ANKDD1B: variants seen among roughly 807,000 people sequenced by gnomAD.
The protein encoded by ANKDD1B is ankyrin repeat and death domain-containing protein 1B.
Under a neutral mutation model 59.7 loss-of-function variants are expected in ANKDD1B, and 57 were observed. The observed-to-expected ratio is 0.95, with a 90% CI of 0.77 to 1.19. The LOEUF (loss-of-function observed/expected upper bound fraction) is 1.19. ANKDD1B is among the 50% of genes most tolerant of loss of function. The probability of loss-of-function intolerance (pLI) is 0.00; values close to 1 mark genes in which losing one functional copy is unlikely to be tolerated. For missense variants in ANKDD1B, 602 were observed against 641.9 expected (o/e 0.94, Z 0.67); for synonymous variants, 216 against 239.5 (o/e 0.90, Z 0.91).
intron 5 of ANKDD1B, among the ~76,000 whole-genome samples, chr5:75,631,809 A>G (rs1774168699): frequency 2.0e-5 from 3 of 152,124 alleles, no homozygotes; most frequent in Non-Finnish European, 4.4e-5. Context: ...TTGAACCTTA[A>G]AAGACTCACT....
rs985366485 is a variant in ANKDD1B at position 75,642,083 on chromosome 5, T to C, written c.798+6201T>C. On this transcript the variant is annotated intron_variant, in intron 7 of 13. Transcript: ENST00000601380. ...TCATAGAACACTAATTGAAAAAATA[T>C]AGTATAGTAAATATTAATATAATAT... is the stretch of plus-strand genomic sequence containing the variant. Among the ~76,000 whole-genome samples the C allele has an allele frequency of 2.6e-5, 4 of 151,752 alleles. No homozygotes were observed. The East Asian group carries it at 7.7e-4, about 29-fold the overall frequency.
In ANKDD1B at chr5:75,634,883, G is replaced by C. The variant is rs1774257123; in HGVS notation, c.601-15G>C. ...AGACTGTAATAAATGCTTGAGGTTTGTGATTGATTTTTAGAAAGGAAGAAA... is the reference window on the plus strand; with the variant it reads ...AGACTGTAATAAATGCTTGAGGTTTCTGATTGATTTTTAGAAAGGAAGAAA... On this transcript the variant is annotated splice_polypyrimidine_tract_variant and intron_variant, in intron 5 of 13. Transcript: ENST00000601380. 1 of 1,471,974 alleles carries C rather than the reference G, an allele frequency of 6.8e-7. No individual in the cohort carries two copies. The highest frequency in any genetic ancestry group is 1.2e-5 in the South Asian group (1 of 82,756). The allele number at this position is 1,471,974 out of a possible 1,614,324, so 91.2% of individuals were successfully genotyped here.
intron 7 of ANKDD1B, among the ~76,000 whole-genome samples, chr5:75,645,095 A>T (rs1336148875): frequency 8.8e-5 from 11 of 124,934 alleles, no homozygotes; most frequent in Non-Finnish European, 1.5e-4. Context: ...ACGCATTCAA[A>T]GCAGTGTGTA....
At chr5:75,668,790 G>C (rs1211475603) in intron 12 of ANKDD1B, among the ~76,000 whole-genome samples, 1 of 152,222 alleles carries the variant, frequency 6.6e-6, no homozygotes, top group Non-Finnish European at 1.5e-5. Flanking sequence ...AGAATGAATG[G>C]TGCATGCTTG....
In ANKDD1B at chr5:75,640,417, G is replaced by A. The variant is rs541522336; in HGVS notation, c.798+4535G>A. 4.6e-5 allele frequency among the ~76,000 whole-genome samples: 7 copies of A among 152,274 alleles called. No individual in the cohort carries two copies. The East Asian group carries it at 9.6e-4, about 21-fold the overall frequency. On this transcript the variant is annotated intron_variant, in intron 7 of 13. Coordinates refer to ENST00000601380, the MANE Select transcript of ANKDD1B (RefSeq NM_001276713.2). ...GGATAATATTAACCCTGCCCTTATA[G>A]CATTGTGTGATTTAACTGTGCCAAA...
intron 2 of ANKDD1B, among the ~76,000 whole-genome samples, chr5:75,619,653 T>C (rs531386025): frequency 6.6e-6 from 1 of 152,350 alleles, no homozygotes; most frequent in East Asian, 1.9e-4. Flanking sequence ...ATATGACACA[T>C]ATCACTTCCG....
chr5:75,647,117 T>C (rs1244320786), intron 7 of ANKDD1B, among the ~76,000 whole-genome samples: 2 of 61,918 alleles, frequency 3.2e-5, no homozygotes, highest in African/African-American at 1.6e-4. Flanking sequence ...GGATTAAAGA[T>C]TTAAACGTTA....
chr5:75,623,261 C>T (rs1261908687), intron 3 of ANKDD1B, among the ~76,000 whole-genome samples: 1 of 151,974 alleles, frequency 6.6e-6, no homozygotes. Context: ...GATAGGGTTT[C>T]TCCATGTTGG....
At chr5:75,635,247 A>C in intron 6 of ANKDD1B, 1 of 343,436 alleles carries the variant, frequency 2.9e-6, no homozygotes, top group Non-Finnish European at 5.5e-6. Context: ...GGATTTTTCC[A>C]TGATCAACTC....
intron 1 of ANKDD1B, among the ~76,000 whole-genome samples, chr5:75,615,257 G>A (rs1773681745): frequency 6.6e-6 from 1 of 152,170 alleles, no homozygotes; most frequent in South Asian, 2.1e-4. Context: ...CAGAGGTAGT[G>A]CAGTTTGAGG....
chr5:75,648,241 T>A, intron 7 of ANKDD1B, among the ~76,000 whole-genome samples: 1 of 47,836 alleles, frequency 2.1e-5, no homozygotes, highest in African/African-American at 7.2e-5. Context: ...ACCCTAAAAC[T>A]TAAAGTATAA....
Position 75,656,056 on chromosome 5 carries a change from G to T in ANKDD1B, c.925G>T (p.Val309Phe), listed in dbSNP as rs746380256. 88 of 1,517,950 alleles carry T rather than the reference G, an allele frequency of 5.8e-5. No homozygotes were observed. The highest frequency in any genetic ancestry group is 7.3e-5 in the Non-Finnish European group (82 of 1,130,920). 94.0% of individuals were successfully genotyped at this position (1,517,950 alleles called of 1,614,324 possible). A position where few individuals can be genotyped will look rare whatever the true frequency, so the allele number is the denominator to read the frequency against. ...EPKESPLHLV[V>F]INNHITVVNS... ...TAAGGAGTCCCCTCTTCATTTAGTT[G>T]TTATCAACAACCACATCACGGTTGT... The change falls in exon 9 of 14, where the codon GTT becomes TTT. Residue 309 changes from valine to phenylalanine, a missense_variant. Transcript: ENST00000601380.
chr5:75,634,282 C>T (rs1774240504), intron 5 of ANKDD1B, among the ~76,000 whole-genome samples: 1 of 152,168 alleles, frequency 6.6e-6, no homozygotes, highest in Non-Finnish European at 1.5e-5. Flanking sequence ...CAAACCTAAA[C>T]ATTTCTCTTC....
At chr5:75,653,775 A>C (rs17563312) in intron 8 of ANKDD1B, among the ~76,000 whole-genome samples, 3 of 152,226 alleles carry the variant, frequency 2.0e-5, no homozygotes, top group African/African-American at 7.2e-5. Flanking sequence ...TCCGTTGAGA[A>C]TATGATTTCC....
chr5:75,620,917 G>C (rs1236227075), intron 3 of ANKDD1B, among the ~76,000 whole-genome samples: 1 of 152,172 alleles, frequency 6.6e-6, no homozygotes, highest in African/African-American at 2.4e-5. Flanking sequence ...CTGGTCCTCT[G>C]TCTGGAAAGC....
chr5:75,636,667 TC>T (rs1376520669), intron 7 of ANKDD1B, among the ~76,000 whole-genome samples: 2 of 152,034 alleles, frequency 1.3e-5, no homozygotes, highest in Non-Finnish European at 2.9e-5. Context: ...GGAGGACCAG[TC>T]AGGTGACTGC....
intron 5 of ANKDD1B, chr5:75,634,559 C>G (rs1402246774): frequency 5.5e-6 from 1 of 181,156 alleles, no homozygotes; most frequent in Non-Finnish European, 1.2e-5. Context: ...GGTGAAATAA[C>G]TATGGAATAA....
chr5:75,665,421 T>G (rs1157605160), intron 11 of ANKDD1B, among the ~76,000 whole-genome samples: 1 of 152,182 alleles, frequency 6.6e-6, no homozygotes, highest in Non-Finnish European at 1.5e-5. Context: ...TCTTGTTGGA[T>G]TCATCATTGT....
intron 5 of ANKDD1B, among the ~76,000 whole-genome samples, chr5:75,628,162 A>G (rs1774042054): frequency 6.6e-6 from 1 of 152,198 alleles, no homozygotes; most frequent in African/African-American, 2.4e-5. Flanking sequence ...AAGATCTGTG[A>G]GTGGGTCATA....
Sources: gnomAD v4.1 joint callset for allele counts (sites outside exome capture counted in the v4.1 genomes callset) on GRCh38, gnomAD v4.1.1 for gene constraint, MANE v1.5 for transcripts, NCBI Gene and HGNC (gene_info 2026-07-23, HGNC 2026-07-21) for gene names.